The following EP300 variants were observed in gnomAD, a reference collection of about 807,000 sequenced individuals.
EP300 encodes the protein histone acetyltransferase p300.
A neutral mutation model predicts 264.0 loss-of-function variants in EP300; 31 were observed. That is an observed-to-expected ratio of 0.12 (90% CI 0.09 to 0.16). The LOEUF (loss-of-function observed/expected upper bound fraction) is 0.16, where lower values mean the gene tolerates loss of function less well. Ranked by LOEUF, EP300 falls within the 10% of genes least tolerant of loss-of-function variation. EP300 has a pLI of 1.00. For synonymous variants in EP300, 1,340 were observed against 1,045.4 expected, an observed-to-expected ratio of 1.28 and a Z score of -5.44; for missense variants, 2,766 against 3,052.9, an observed-to-expected ratio of 0.91 and a Z score of 2.21.
Position 41,149,933 on chromosome 22 carries a change from C to T in EP300, c.2552C>T (p.Ala851Val). ...TPHHTPPSIGAQQPPATTIPA... is the reference protein window; with the variant it reads ...TPHHTPPSIGVQQPPATTIPA... Reference sequence around the variant, plus strand: ...CACCATACTCCCCCAAGCATAGGGGCTCAGCAGCCACCAGCAACAACAATT... The same window carrying T: ...CACCATACTCCCCCAAGCATAGGGGTTCAGCAGCCACCAGCAACAACAATT... Residue 851 changes from alanine (A) to valine (V), a missense_variant, in exon 14 of 31, where the codon GCT becomes GTT. Ala to Val is a moderately conservative substitution (Grantham distance 64). Coordinates refer to ENST00000263253, the MANE Select transcript of EP300 (RefSeq NM_001429.4). The T allele has an allele frequency of 6.2e-7, 1 of 1,613,776 alleles. No individual in the cohort carries two copies. The highest frequency in any genetic ancestry group is 1.1e-5 in the South Asian group (1 of 91,056).
chr22:41,150,069 A>G lies in EP300; in HGVS notation c.2688A>G (p.Gln896=), dbSNP rs914729769. ...CACCAACAACACAACTTCCCCAACA[A>G]GTGCAGCCTTCACTTCCTGCTGCAC... ...PTPPTTQLPQ[Q]VQPSLPAAPS... is the part of the protein sequence containing the mutation. Residue 896 remains glutamine (Q), a synonymous_variant, in exon 14 of 31, where the codon CAA becomes CAG. Coordinates refer to ENST00000263253, the MANE Select transcript of EP300 (RefSeq NM_001429.4). 1.9e-6 allele frequency: 3 copies of G among 1,613,812 alleles called. No homozygotes were observed. Among genetic ancestry groups the G allele is most frequent in the Middle Eastern group, 1.6e-4 (1 of 6,062 alleles).
At chr22:41,152,753 T>C (rs991244034) in intron 16 of EP300, among the ~76,000 whole-genome samples, 1 of 60,690 alleles carries the variant, frequency 1.6e-5, no homozygotes, top group Non-Finnish European at 3.0e-5. Flanking sequence ...TCTTTCTTTC[T>C]TTTTCTTTTC....
At chr22:41,118,189 A>G (rs745897460) in intron 2 of EP300, among the ~76,000 whole-genome samples, 5 of 152,076 alleles carry the variant, frequency 3.3e-5, no homozygotes, top group Non-Finnish European at 5.9e-5. Flanking sequence ...TATTGCTTTG[A>G]ATGTCCCTGG....
chr22:41,101,945 ACT>A (rs1307570394), intron 1 of EP300, among the ~76,000 whole-genome samples: 1 of 151,166 alleles, frequency 6.6e-6, no homozygotes, highest in East Asian at 1.9e-4. Flanking sequence ...AGCACTAGAG[ACT>A]CTGTTTCAAA....
intron 11 of EP300, 152 bp from the exon 12 acceptor site, chr22:41,147,685 C>T (rs559342084): frequency 8.7e-5 from 53 of 609,808 alleles, no homozygotes; most frequent in Admixed American, 1.9e-4. Flanking sequence ...TTGCAGTGAG[C>T]GGAGATTGCG....
chr22:41,139,929 A>G (rs1601612708), intron 8 of EP300, among the ~76,000 whole-genome samples: 2 of 152,140 alleles, frequency 1.3e-5, no homozygotes, highest in East Asian at 3.8e-4. Context: ...ACCAAAGAGT[A>G]TTTTTTATAG....
rs2145747680 is a variant in EP300 at position 41,157,339 on chromosome 22, G to A, written c.3432G>A (p.Lys1144=). ...CACGGGTATACAAATACTGCTCCAA[G>A]CTCTCTGAGGTCTTTGAACAAGAAA... The part of the protein sequence containing the change: ...KTSRVYKYCS[K]LSEVFEQEID... The change falls in exon 18 of 31, where the codon AAG becomes AAA. Residue 1144 remains lysine (K), a synonymous_variant. Transcript: ENST00000263253. The A allele has an allele frequency of 1.9e-6, 3 of 1,614,104 alleles. No homozygotes were observed. In the South Asian group the frequency reaches 3.3e-5, roughly 18 times the overall value.
intron 13 of EP300, 83 bp from the exon 14 acceptor site, chr22:41,149,678 C>T (rs1249540455): frequency 1.8e-5 from 25 of 1,420,806 alleles, no homozygotes; most frequent in Non-Finnish European, 2.4e-5. Context: ...AGTTTGTGTC[C>T]TAAATTTATA....
In EP300 at chr22:41,152,023, G is replaced by A. The variant is rs945833237; in HGVS notation, c.2997+11G>A. On this transcript the variant is annotated intron_variant, in intron 15 of 30. Coordinates refer to ENST00000263253, the MANE Select transcript of EP300 (RefSeq NM_001429.4). ...GAGGATATTTCAGAGGTGAGAGTAG[G>A]GCAATTACTGTTTGATTTGGTTAGG... is the stretch of plus-strand genomic sequence containing the variant. 2.5e-6 allele frequency: 4 copies of A among 1,613,866 alleles called. No individual in the cohort carries two copies. Among genetic ancestry groups the A allele is most frequent in the Non-Finnish European group, 2.5e-6 (3 of 1,179,986 alleles).
intron 2 of EP300, among the ~76,000 whole-genome samples, chr22:41,122,157 CTTTT>C (rs71328774): frequency 0.032 from 1,134 of 35,734 alleles, 8 homozygotes; most frequent in Middle Eastern, 0.064. Context: ...TCTTCTTCTT[CTTTT>C]TTTTTTTTTT....
chr22:41,139,805 G>C (rs2058971473), intron 8 of EP300, among the ~76,000 whole-genome samples: 1 of 152,140 alleles, frequency 6.6e-6, no homozygotes, highest in Non-Finnish European at 1.5e-5. Flanking sequence ...AATAAATTTA[G>C]AAGAGCAGAT....
rs374502005 is a variant in EP300, at chr22:41,149,075, A to T, written c.2279A>T (p.Asn760Ile). The part of the protein sequence containing the change: ...GYGPRMQQPS[N>I]QGQFLPQTQF... Reference sequence around the variant, plus strand: ...GGGCCTCGTATGCAACAGCCTTCCAACCAGGGCCAGTTCCTTCCTCAGACT... The same window carrying T: ...GGGCCTCGTATGCAACAGCCTTCCATCCAGGGCCAGTTCCTTCCTCAGACT... The change falls in exon 13 of 31, where the codon AAC (asparagine) becomes ATC (isoleucine). Residue 760 changes from asparagine to isoleucine, a missense_variant. Transcript: ENST00000263253. The T allele has an allele frequency of 1.2e-6, 2 of 1,613,708 alleles. No homozygotes were observed. Among genetic ancestry groups the T allele is most frequent in the African/African-American group, 1.3e-5 (1 of 74,838 alleles).
At chr22:41,173,955 A>G (rs533457706) in intron 29 of EP300, among the ~76,000 whole-genome samples, 171 bp downstream of exon 29, 4 of 152,266 alleles carry the variant, frequency 2.6e-5, no homozygotes, top group Admixed American at 2.6e-4. Context: ...TACTAAAAAT[A>G]CAAAATTAGC....
At chr22:41,102,827 T>G (rs1200270293) in intron 1 of EP300, among the ~76,000 whole-genome samples, 1 of 152,142 alleles carries the variant, frequency 6.6e-6, no homozygotes, top group African/African-American at 2.4e-5. Context: ...GTTTAAAGTT[T>G]GAGCAACTTG....
chr22:41,137,830 G>T, intron 8 of EP300, 40 bp downstream of exon 8: 1 of 1,613,798 alleles, frequency 6.2e-7, no homozygotes, highest in Non-Finnish European at 8.5e-7. Context: ...GTAAAGAGAT[G>T]TTACGTCAAC....
intron 2 of EP300, among the ~76,000 whole-genome samples, chr22:41,120,702 C>G (rs1033212704): frequency 1.3e-5 from 2 of 152,092 alleles, no homozygotes; most frequent in Non-Finnish European, 2.9e-5. Context: ...ATAAACTAAT[C>G]AAAGCCAGAA....
Position 41,177,709 on chromosome 22 carries a change from T to C in EP300, c.5998T>C (p.Leu2000=). 6.2e-7 allele frequency: 1 copy of C among 1,613,698 alleles called. No homozygotes were observed. The highest frequency in any genetic ancestry group is 8.5e-7 in the Non-Finnish European group (1 of 1,180,004). Reference sequence around the variant, plus strand: ...ACAGCCACCCTGGAGCCAAGGAGGATTGCCTCAGCCCCAGCAACTACAGTC... The same window carrying C: ...ACAGCCACCCTGGAGCCAAGGAGGACTGCCTCAGCCCCAGCAACTACAGTC... ...QQQPPWSQGG[L]PQPQQLQSGM... The change falls in exon 31 of 31, where the codon TTG becomes CTG. Residue 2000 remains leucine (L), a synonymous_variant. Transcript: ENST00000263253.
intron 4 of EP300, among the ~76,000 whole-genome samples, chr22:41,128,745 T>G (rs2058898262): frequency 6.6e-6 from 1 of 152,122 alleles, no homozygotes; most frequent in Admixed American, 6.5e-5. Flanking sequence ...TCTCCTGACC[T>G]TGTGGTCCAC....
At position 41,177,629 on chromosome 22, in the gene EP300, C is replaced by T. The variant is rs747238037; in HGVS notation, c.5918C>T (p.Thr1973Ile). The T allele has an allele frequency of 6.2e-7, 1 of 1,614,102 alleles. No homozygotes were observed. Among genetic ancestry groups the T allele is most frequent in the East Asian group, 2.2e-5 (1 of 44,864 alleles). ...ATGGGTATGAACCCACCTCCCATGACCAGAGGTCCCAGTGGGCATTTGGAG... is the reference window on the plus strand; with the variant it reads ...ATGGGTATGAACCCACCTCCCATGATCAGAGGTCCCAGTGGGCATTTGGAG... ...APMGMNPPPM[T>I]RGPSGHLEPG... Residue 1973 changes from threonine (T) to isoleucine (I), a missense_variant, in exon 31 of 31, where the codon ACC becomes ATC. Physicochemically the swap from Thr to Ile is moderately conservative, Grantham distance 89 (BLOSUM62 -1). Transcript: ENST00000263253.
Sources: allele counts gnomAD v4.1 joint callset (sites outside exome capture counted in the v4.1 genomes callset), GRCh38; gene constraint gnomAD v4.1.1; transcripts MANE v1.5; gene names NCBI Gene and HGNC (gene_info 2026-07-23, HGNC 2026-07-21).